The following FAF1 variants were observed in gnomAD, a reference collection of about 807,000 sequenced individuals.
The protein encoded by FAF1 is Fas associated factor 1, also known as FAS-associated factor 1.
FAF1 carries 25 observed loss-of-function variants against 92.5 expected under a neutral mutation model. The ratio of observed to expected loss-of-function variants is 0.27; its 90% CI spans 0.20 to 0.38. The LOEUF (loss-of-function observed/expected upper bound fraction) is 0.38, where lower values mean the gene tolerates loss of function less well. FAF1 is among the 10% of genes least tolerant of loss of function. FAF1 has a pLI of 1.00. For missense variants in FAF1, 636 were observed against 793.3 expected (o/e 0.80, Z 2.38); for synonymous variants, 234 against 273.2 (o/e 0.86, Z 1.42).
At chr1:50,734,279 T>A (rs1469564050) in intron 6 of FAF1, among the ~76,000 whole-genome samples, 1 of 152,230 alleles carries the variant, frequency 6.6e-6, no homozygotes, top group African/African-American at 2.4e-5. Context: ...TGTTTATCCA[T>A]GAAAATCTAC....
intron 18 of FAF1, among the ~76,000 whole-genome samples, chr1:50,448,022 T>G (rs1000759033): frequency 6.6e-6 from 1 of 152,210 alleles, no homozygotes; most frequent in East Asian, 1.9e-4. Flanking sequence ...GTCAGTGGAG[T>G]AAACTGGATT....
intron 8 of FAF1, among the ~76,000 whole-genome samples, chr1:50,623,986 G>T (rs1345223455): frequency 6.6e-6 from 1 of 151,062 alleles, no homozygotes; most frequent in Non-Finnish European, 1.5e-5. Context: ...AGAGGAAGAA[G>T]AGGAAGAAGA....
At chr1:50,909,783 T>C (rs1644869633) in intron 1 of FAF1, among the ~76,000 whole-genome samples, 1 of 152,236 alleles carries the variant, frequency 6.6e-6, no homozygotes, top group Non-Finnish European at 1.5e-5. Context: ...CGTCTAATCT[T>C]TTTTCAAGGT....
At chr1:50,531,618 T>A (rs983356500) in intron 15 of FAF1, among the ~76,000 whole-genome samples, 1 of 152,160 alleles carries the variant, frequency 6.6e-6, no homozygotes, top group African/African-American at 2.4e-5. Context: ...TCCAGTGATA[T>A]GTACTTGGTA....
At chr1:50,688,052 G>C (rs941329748) in intron 7 of FAF1, among the ~76,000 whole-genome samples, 2 of 151,588 alleles carry the variant, frequency 1.3e-5, no homozygotes, top group African/African-American at 4.9e-5. Context: ...GAAGAACAGC[G>C]TGAACCCGGG....
At chr1:50,855,795 T>C (rs1413523815) in intron 2 of FAF1, among the ~76,000 whole-genome samples, 1 of 151,858 alleles carries the variant, frequency 6.6e-6, no homozygotes, top group African/African-American at 2.4e-5. Flanking sequence ...AGCTAGGAGA[T>C]AGACATATCT....
chr1:50,577,167 TTC>T (rs1246811769), intron 12 of FAF1, among the ~76,000 whole-genome samples: 3 of 152,240 alleles, frequency 2.0e-5, no homozygotes, highest in African/African-American at 7.2e-5. Flanking sequence ...CTGTTTAGAA[TTC>T]TGTTATTTGC....
chr1:50,472,527 G>A (rs770142787), intron 18 of FAF1, among the ~76,000 whole-genome samples: 1 of 151,970 alleles, frequency 6.6e-6, no homozygotes, highest in East Asian at 1.9e-4. Flanking sequence ...CTCAGTTCAG[G>A]GAATTATGCT....
intron 18 of FAF1, among the ~76,000 whole-genome samples, chr1:50,456,464 A>G (rs963495824): frequency 6.6e-6 from 1 of 152,150 alleles, no homozygotes; most frequent in Non-Finnish European, 1.5e-5. Flanking sequence ...TGAGAGAGAA[A>G]GAAACCAGGA....
chr1:50,669,982 G>A (rs1372407636), intron 7 of FAF1, among the ~76,000 whole-genome samples: 1 of 152,036 alleles, frequency 6.6e-6, no homozygotes, highest in Admixed American at 6.6e-5. Context: ...TAAGCCAGGC[G>A]TGGTGGCGCA....
At chr1:50,625,422 G>A (rs932713478) in intron 8 of FAF1, among the ~76,000 whole-genome samples, 4 of 152,170 alleles carry the variant, frequency 2.6e-5, no homozygotes, top group Non-Finnish European at 5.9e-5. Flanking sequence ...AAACAGTAGT[G>A]AATAAACTTA....
At chr1:50,872,127 T>C (rs1025051535) in intron 1 of FAF1, among the ~76,000 whole-genome samples, 2 of 151,280 alleles carry the variant, frequency 1.3e-5, no homozygotes, top group Admixed American at 6.6e-5. Flanking sequence ...CTGCTGTAGA[T>C]AGTGATTCCT....
At chr1:50,839,717 A>G (rs1049922604) in intron 2 of FAF1, among the ~76,000 whole-genome samples, 1 of 152,164 alleles carries the variant, frequency 6.6e-6, no homozygotes, top group Non-Finnish European at 1.5e-5. Context: ...TAGTAATTGA[A>G]AAAGAAGAAA....
chr1:50,492,513 T>A (rs1370850892), intron 15 of FAF1, among the ~76,000 whole-genome samples: 2 of 152,220 alleles, frequency 1.3e-5, no homozygotes, highest in African/African-American at 4.8e-5. Flanking sequence ...TCATTTAAAA[T>A]TAAAAGTTAA....
At chr1:50,756,696 A>G (rs569605593) in intron 4 of FAF1, among the ~76,000 whole-genome samples, 6 of 152,208 alleles carry the variant, frequency 3.9e-5, no homozygotes, top group Non-Finnish European at 7.3e-5. Flanking sequence ...ATAGTTCCAC[A>G]TGGTTGGGGA....
At chr1:50,457,716 C>T (rs1202012533) in intron 18 of FAF1, among the ~76,000 whole-genome samples, 4 of 79,412 alleles carry the variant, frequency 5.0e-5, no homozygotes, top group Admixed American at 1.7e-4. Flanking sequence ...GGTGAAACCC[C>T]ATCTCTGCAA....
At chr1:50,752,795 G>A (rs557108594) in intron 4 of FAF1, among the ~76,000 whole-genome samples, 19 of 152,090 alleles carry the variant, frequency 1.2e-4, no homozygotes, top group East Asian at 3.9e-4. Context: ...TGATTCTCCC[G>A]CCTCAGCCTC....
At chr1:50,886,026 T>G (rs1364795730) in intron 1 of FAF1, among the ~76,000 whole-genome samples, 1 of 152,220 alleles carries the variant, frequency 6.6e-6, no homozygotes, top group Non-Finnish European at 1.5e-5. Context: ...TCTATTTATA[T>G]CTTCCTGTAC....
At chr1:50,562,237 C>A (rs1298441620) in intron 13 of FAF1, among the ~76,000 whole-genome samples, 2 of 152,126 alleles carry the variant, frequency 1.3e-5, no homozygotes, top group Admixed American at 6.5e-5. Context: ...AATATCTTAT[C>A]CCTGCTTCAC....
Sources: allele counts gnomAD v4.1 joint callset (sites outside exome capture counted in the v4.1 genomes callset), GRCh38; gene constraint gnomAD v4.1.1; transcripts MANE v1.5; gene names NCBI Gene and HGNC (gene_info 2026-07-23, HGNC 2026-07-21).